PASK: variants seen among roughly 807,000 people sequenced by gnomAD.
PASK encodes PAS domain-containing serine/threonine-protein kinase.
A neutral mutation model predicts 121.0 loss-of-function variants in PASK; 110 were observed. That is an observed-to-expected ratio of 0.91 (90% CI 0.78 to 1.06). PASK has a LOEUF of 1.06. Ranked by LOEUF, PASK falls within the 50% of genes least tolerant of loss-of-function variation. PASK has a pLI of 0.00. For synonymous variants in PASK, 686 were observed against 717.8 expected, an observed-to-expected ratio of 0.96 and a Z score of 0.71; for missense variants, 1,643 against 1,702.3, an observed-to-expected ratio of 0.97 and a Z score of 0.61.
At chr2:241,114,616 T>A (rs1288824810) in intron 14 of PASK, 29 of 1,075,736 alleles carry the variant, frequency 2.7e-5, no homozygotes, top group Non-Finnish European at 3.2e-5. Flanking sequence ...AGTGAGAATG[T>A]CAGGATCTCA....
chr2:241,115,163 A>C lies in PASK; in HGVS notation c.3213T>G (p.Phe1071Leu). The C allele has an allele frequency of 6.2e-7, 1 of 1,614,074 alleles. No homozygotes were observed. Among genetic ancestry groups the C allele is most frequent in the South Asian group, 1.1e-5 (1 of 91,086 alleles). The change falls in exon 14 of 18, where the codon TTT becomes TTG. Residue 1071 changes from phenylalanine (F) to leucine (L), a missense_variant. Coordinates refer to ENST00000234040, the MANE Select transcript of PASK (RefSeq NM_015148.4). ...CAAGCTGGAAGAACCCTTGGTTTTC[A>C]AATATATCCAATACCTAGGAAGAGA... is the stretch of plus-strand genomic sequence containing the variant. ...HANIIKVLDIFENQGFFQLVM... is the reference protein window; with the variant it reads ...HANIIKVLDILENQGFFQLVM...
intron 15 of PASK, among the ~76,000 whole-genome samples, chr2:241,111,926 G>T (rs920859320): frequency 5.3e-5 from 8 of 152,306 alleles, no homozygotes; most frequent in Middle Eastern, 3.4e-3. Flanking sequence ...TAACTAAAAA[G>T]AATCCTCTTC....
intron 1 of PASK, among the ~76,000 whole-genome samples, chr2:241,146,376 A>G (rs150781097): frequency 2.6e-5 from 4 of 152,236 alleles, no homozygotes; most frequent in African/African-American, 4.8e-5. Context: ...TTTTGCAAAC[A>G]GATAAGAAGA....
At chr2:241,139,426 T>A in intron 4 of PASK, 1 of 440,438 alleles carries the variant, frequency 2.3e-6, no homozygotes, top group Non-Finnish European at 4.8e-6. Flanking sequence ...AACATCCAGG[T>A]TGGACACATG....
chr2:241,126,940 T>C lies in PASK; in HGVS notation c.1975A>G (p.Thr659Ala), dbSNP rs777693579. ...GACAGCTGCTCCTTAATCAAGCAGG[T>C]CTGCAGCTCTTCTCGGTCGTTTTCC... ...GVENDREELQ[T>A]CLIKEQLSQL... The change falls in exon 10 of 18, where the codon ACC becomes GCC. Residue 659 changes from threonine to alanine, a missense_variant. By Grantham distance (58) the Thr-to-Ala change is moderately conservative. Around this residue, in one of 3 missense-constraint regions of PASK, gnomAD observed 1,176 missense variants for 1,162.2 expected, o/e 1.01. Transcript: ENST00000234040. 9 of 1,614,036 alleles carry C rather than the reference T, an allele frequency of 5.6e-6. No homozygotes were observed. In the African/African-American group the frequency reaches 1.1e-4, roughly 19 times the overall value.
chr2:241,143,069 TAAC>T lies in PASK; in HGVS notation c.-40_-38del. 1 of 1,452,128 alleles carries T rather than the reference TAAC, an allele frequency of 6.9e-7. No homozygotes were observed. The highest frequency in any genetic ancestry group is 2.3e-5 in the East Asian group (1 of 44,134). 90.0% of individuals were successfully genotyped at this position (1,452,128 alleles called of 1,614,324 possible). On this transcript the variant is annotated splice_region_variant and 5_prime_UTR_variant, in exon 2 of 18. Coordinates refer to ENST00000234040, the MANE Select transcript of PASK (RefSeq NM_015148.4). ...AGGCCAACTGCCAAGCTTCCAACTCTAACAACTAGAAAACAACATGAAGCTGAT... is the reference window on the plus strand; with the variant it reads ...AGGCCAACTGCCAAGCTTCCAACTCTAACTAGAAAACAACATGAAGCTGAT...
At chr2:241,146,505 ACT>A (rs1162950776) in intron 1 of PASK, among the ~76,000 whole-genome samples, 2 of 152,084 alleles carry the variant, frequency 1.3e-5, no homozygotes, top group Non-Finnish European at 2.9e-5. Flanking sequence ...AAACCCAAAC[ACT>A]CTTTAACAAG....
chr2:241,149,576 G>A, upstream of PASK: 1 of 1,410,808 alleles, frequency 7.1e-7, no homozygotes, highest in Non-Finnish European at 9.6e-7. Flanking sequence ...CCAGAGTCTA[G>A]AAGCCCGCGC....
At chr2:241,136,189 G>C in intron 7 of PASK, 150 bp from the exon 8 acceptor site, 1 of 727,198 alleles carries the variant, frequency 1.4e-6, no homozygotes, top group Non-Finnish European at 2.5e-6. Context: ...AATGCCCTTC[G>C]ACGCACCTGA....
chr2:241,123,959 C>A lies in PASK; in HGVS notation c.2894G>T (p.Ser965Ile). The A allele has an allele frequency of 5.6e-6, 9 of 1,613,624 alleles. No homozygotes were observed. The highest frequency in any genetic ancestry group is 7.6e-6 in the Non-Finnish European group (9 of 1,179,936). ...ATTGCAAATACCCACTTCCACCAGG[C>A]TGGGTCCGGTGAGCTCAGCAGCGGT... The part of the protein sequence containing the change: ...HSTAAELTGP[S>I]LVEVLRARPW... Residue 965 changes from serine (S) to isoleucine (I), a missense_variant, in exon 11 of 18, where the codon AGC becomes ATC. Ser to Ile is a moderately radical substitution (Grantham distance 142). Coordinates refer to ENST00000234040, the MANE Select transcript of PASK (RefSeq NM_015148.4).
At chr2:241,149,940 A>T, upstream of PASK, 1 of 1,428,244 alleles carries the variant, frequency 7.0e-7, no homozygotes, top group Non-Finnish European at 9.1e-7. Flanking sequence ...GAGCGTCAAG[A>T]GAAGGCGGCA....
chr2:241,122,637 C>T, intron 12 of PASK, 95 bp downstream of exon 12: 1 of 1,185,740 alleles, frequency 8.4e-7, no homozygotes, highest in Non-Finnish European at 1.3e-6. Context: ...ACCTAGAGGA[C>T]TCCTCCAAAA....
intron 10 of PASK, among the ~76,000 whole-genome samples, chr2:241,125,380 CACG>C (rs2065806114): frequency 6.6e-6 from 1 of 151,536 alleles, no homozygotes; most frequent in South Asian, 2.1e-4. Flanking sequence ...GCGGGCGGAT[CACG>C]ACGTCAGGAG....
rs368743806 is a variant in PASK, at chr2:241,132,985, C to T, written c.1352G>A (p.Arg451Gln). 14 of 1,614,062 alleles carry T rather than the reference C, an allele frequency of 8.7e-6. No homozygotes were observed. Among genetic ancestry groups the T allele is most frequent in the African/African-American group, 6.7e-5 (5 of 75,008 alleles). ...TTCCATCAGCTTCCGGATCTCATCTCGGGGCACAACGTGGCCACCAGCAAG... is the reference window on the plus strand; with the variant it reads ...TTCCATCAGCTTCCGGATCTCATCTTGGGGCACAACGTGGCCACCAGCAAG... ...VVLAGGHVVP[R>Q]DEIRKLMESQ... Residue 451 changes from arginine to glutamine, a missense_variant, in exon 9 of 18, where the codon CGA becomes CAA. This residue lies in a region of PASK where 1,176 missense variants were observed against 1,162.2 expected (regional missense o/e 1.01). Coordinates refer to ENST00000234040, the MANE Select transcript of PASK (RefSeq NM_015148.4).
intron 7 of PASK, 80 bp downstream of exon 7, chr2:241,136,924 G>A: frequency 7.3e-7 from 1 of 1,365,172 alleles, no homozygotes; most frequent in Admixed American, 1.7e-5. Context: ...TGCGAGGCCT[G>A]TGCCACACGC....
intron 10 of PASK, 142 bp downstream of exon 10, chr2:241,126,054 G>A (rs2065843695): frequency 1.3e-6 from 1 of 786,974 alleles, no homozygotes; most frequent in Non-Finnish European, 2.1e-6. Flanking sequence ...TGGATGATAT[G>A]CATTCTCCTT....
chr2:241,111,159 G>A (rs2871622), intron 15 of PASK, among the ~76,000 whole-genome samples: 35,740 of 152,042 alleles, frequency 0.24, 6,560 homozygotes, highest in African/African-American at 0.5. Flanking sequence ...AGAGCCCAAG[G>A]CACGGCATGG....
Position 241,142,659 on chromosome 2 carries a change from G to A in PASK, c.196+178C>T, listed in dbSNP as rs149730552. ...TGGGAATCACAGCAGAGTAAAAGCA[G>A]CAGGAAGGGTCCTGCCGGAGTCATC... On this transcript the variant is annotated intron_variant, in intron 2 of 17. Transcript: ENST00000234040. Among the ~76,000 whole-genome samples, 165 of 152,360 alleles carry A rather than the reference G, an allele frequency of 1.1e-3. 1 individual carries two copies. Among genetic ancestry groups the A allele is most frequent in the African/African-American group, 3.8e-3 (156 of 41,584 alleles).
At position 241,136,943 on chromosome 2, in the gene PASK, A is replaced by G. The variant is rs1042848942; in HGVS notation, c.1137+61T>C. On this transcript the variant is annotated intron_variant, in intron 7 of 17. Coordinates refer to ENST00000234040, the MANE Select transcript of PASK (RefSeq NM_015148.4). The stretch of plus-strand genomic sequence containing the variant: ...AGGCCTGTGCCACACGCAAGCCCGC[A>G]CTGCAGAGCACAGCAGCTTCCTCCC... The G allele has an allele frequency of 3.3e-6, 5 of 1,521,086 alleles. No individual in the cohort carries two copies. In the African/African-American group the frequency reaches 4.1e-5, roughly 12 times the overall value. The allele number at this position is 1,521,086 out of a possible 1,614,324, so 94.2% of individuals were successfully genotyped here.
Sources: allele counts gnomAD v4.1 joint callset (sites outside exome capture counted in the v4.1 genomes callset), GRCh38; gene constraint gnomAD v4.1.1; regional missense constraint gnomAD v4.1.1; transcripts MANE v1.5; gene names NCBI Gene and HGNC (gene_info 2026-07-23, HGNC 2026-07-21).